The following LINGO1 variants were observed in gnomAD, a reference collection of about 807,000 sequenced individuals.
LINGO1 encodes the protein leucine-rich repeat and immunoglobulin-like domain-containing nogo receptor-interacting protein 1.
A neutral mutation model predicts 37.3 loss-of-function variants in LINGO1; 11 were observed. The observed-to-expected ratio is 0.29, with a 90% CI of 0.19 to 0.49. The LOEUF (loss-of-function observed/expected upper bound fraction) is 0.49. LINGO1 is among the 20% of genes least tolerant of loss of function. The pLI, the probability that LINGO1 is intolerant of heterozygous loss-of-function variation, is 0.99. For missense variants in LINGO1, 585 were observed against 878.2 expected (o/e 0.67, Z 4.22); for synonymous variants, 387 against 403.0 (o/e 0.96, Z 0.48).
chr15:77,698,185 A>G (rs2075721674), upstream of LINGO1, among the ~76,000 whole-genome samples: 1 of 152,062 alleles, frequency 6.6e-6, no homozygotes, highest in African/African-American at 2.4e-5. Context: ...CAAAGTGAGG[A>G]CGGCAGTTAC....
chr15:77,717,127 C>A (rs2075994043), intron 2 of LINGO1, among the ~76,000 whole-genome samples: 1 of 150,522 alleles, frequency 6.6e-6, no homozygotes, highest in Non-Finnish European at 1.5e-5. Context: ...ACAGCTGCCA[C>A]CCAGAGGAGT....
At chr15:77,813,971 G>A (rs1252359713) in intron 1 of LINGO1, among the ~76,000 whole-genome samples, 19 of 152,062 alleles carry the variant, frequency 1.2e-4, no homozygotes, top group Admixed American at 1.2e-3. Context: ...TCCCTCACTC[G>A]TCCCTGGGCT....
chr15:77,621,003 G>C (rs1345079148), intron 1 of LINGO1, among the ~76,000 whole-genome samples: 2 of 152,072 alleles, frequency 1.3e-5, no homozygotes, highest in South Asian at 4.1e-4. Flanking sequence ...ACCTTCTTTA[G>C]AAAAGGGAAG....
intron 3 of LINGO1, among the ~76,000 whole-genome samples, chr15:77,666,284 G>A (rs898802817): frequency 3.3e-5 from 5 of 152,216 alleles, no homozygotes; most frequent in South Asian, 2.1e-4. Flanking sequence ...TCAGAGGCTC[G>A]CCTCTCATTC....
intron 2 of LINGO1, among the ~76,000 whole-genome samples, chr15:77,680,474 C>T (rs1303607273): frequency 1.3e-5 from 2 of 152,146 alleles, no homozygotes; most frequent in Non-Finnish European, 2.9e-5. Context: ...CATTTGGGAG[C>T]CTCTAAGTAA....
intron 2 of LINGO1, among the ~76,000 whole-genome samples, chr15:77,682,259 T>C (rs1490741793): frequency 1.4e-5 from 2 of 145,118 alleles, no homozygotes; most frequent in African/African-American, 5.3e-5. Context: ...GCCATACTCA[T>C]ATGGCAGTAG....
chr15:77,728,441 C>T (rs937537786), intron 2 of LINGO1, among the ~76,000 whole-genome samples: 5 of 152,190 alleles, frequency 3.3e-5, no homozygotes, highest in African/African-American at 1.2e-4. Flanking sequence ...GGGTGCCACA[C>T]ACAGGGGCCA....
intron 3 of LINGO1, among the ~76,000 whole-genome samples, chr15:77,668,973 C>A (rs987241623): frequency 6.6e-6 from 1 of 152,260 alleles, no homozygotes; most frequent in Non-Finnish European, 1.5e-5. Flanking sequence ...GCAGCAGCAA[C>A]TAGACGCTGG....
intron 1 of LINGO1, among the ~76,000 whole-genome samples, chr15:77,779,191 T>C (rs1420328199): frequency 1.3e-5 from 2 of 152,114 alleles, no homozygotes; most frequent in African/African-American, 4.8e-5. Context: ...TCTCCTTGTA[T>C]TTGTTTCTCC....
intron 2 of LINGO1, among the ~76,000 whole-genome samples, chr15:77,688,077 GC>G (rs1333640577): frequency 6.6e-6 from 1 of 152,152 alleles, no homozygotes; most frequent in Non-Finnish European, 1.5e-5. Flanking sequence ...TGGATCCCTG[GC>G]CCCGGGTGAC....
At chr15:77,660,654 C>A (rs140083205) in intron 3 of LINGO1, among the ~76,000 whole-genome samples, 20 of 152,322 alleles carry the variant, frequency 1.3e-4, no homozygotes, top group African/African-American at 4.6e-4. Flanking sequence ...GAAATTCATT[C>A]GGGCTAGTGG....
chr15:77,806,111 G>A (rs1246715191), intron 1 of LINGO1, among the ~76,000 whole-genome samples: 3 of 152,258 alleles, frequency 2.0e-5, no homozygotes, highest in African/African-American at 4.8e-5. Context: ...AGCAGCCGCC[G>A]AAGCCTCATT....
rs556010360 is a variant in LINGO1 at position 77,783,514 on chromosome 15, A to G, written c.-257+3355T>C. On this transcript the variant is annotated intron_variant, in intron 1 of 3. Coordinates refer to the LINGO1 transcript ENST00000561686. ...TGACATTCATGGAACAGAATCTATAATCAGGGCCCTTTTCTCTAAACAACT... is the reference window on the plus strand; with the variant it reads ...TGACATTCATGGAACAGAATCTATAGTCAGGGCCCTTTTCTCTAAACAACT... Among the ~76,000 whole-genome samples the G allele has an allele frequency of 9.9e-5, 15 of 152,222 alleles. No individual in the cohort carries two copies. In the South Asian group the frequency reaches 2.9e-3, roughly 30 times the overall value.
chr15:77,634,358 T>C (rs966289529), upstream of LINGO1: 4 of 455,880 alleles, frequency 8.8e-6, no homozygotes, highest in African/African-American at 6.0e-5. Context: ...TCTGGAGCAC[T>C]TTCTCCTGTC....
At chr15:77,723,156 A>G (rs917725992) in intron 2 of LINGO1, among the ~76,000 whole-genome samples, 5 of 57,020 alleles carry the variant, frequency 8.8e-5, no homozygotes, top group Admixed American at 1.7e-4. Context: ...CCCCGCCCCC[A>G]CCCCCAGACA....
chr15:77,713,210 T>TTTTGTGTGTGTG (rs1241253175), intron 2 of LINGO1, among the ~76,000 whole-genome samples: 9 of 123,722 alleles, frequency 7.3e-5, no homozygotes, highest in African/African-American at 2.3e-4. Context: ...GCCCAGCTAA[T>TTTTGTGTGTGTG]TGTGTGTGTG....
intron 2 of LINGO1, among the ~76,000 whole-genome samples, chr15:77,712,371 T>C (rs1204738021): frequency 3.3e-5 from 5 of 151,928 alleles, no homozygotes; most frequent in African/African-American, 4.8e-5. Context: ...TTGAGTTCCA[T>C]GGTCCATCAG....
intron 1 of LINGO1, among the ~76,000 whole-genome samples, chr15:77,773,458 G>A (rs1213575059): frequency 2.6e-5 from 4 of 152,134 alleles, no homozygotes; most frequent in Non-Finnish European, 5.9e-5. Flanking sequence ...GTGAAGTTAG[G>A]TGACAGCTAG....
At chr15:77,817,346 G>A (rs978495601) in intron 1 of LINGO1, among the ~76,000 whole-genome samples, 1 of 152,192 alleles carries the variant, frequency 6.6e-6, no homozygotes, top group Non-Finnish European at 1.5e-5. Flanking sequence ...AGATCTCCAC[G>A]GGGCATCTTT....
Sources: gnomAD v4.1 joint callset for allele counts (sites outside exome capture counted in the v4.1 genomes callset) on GRCh38, gnomAD v4.1.1 for gene constraint, MANE v1.5 for transcripts, NCBI Gene and HGNC (gene_info 2026-07-23, HGNC 2026-07-21) for gene names.